The following ARID4B variants were observed in gnomAD, a reference collection of about 807,000 sequenced individuals.
ARID4B encodes the protein AT-rich interactive domain-containing protein 4B.
In ARID4B, 26 loss-of-function variants were observed where a neutral mutation model predicts 147.5. The ratio of observed to expected loss-of-function variants is 0.18; its 90% CI spans 0.13 to 0.24. The LOEUF is 0.24. Among genes scored for constraint, ARID4B ranks in the 10% least tolerant of loss-of-function variants. The probability of loss-of-function intolerance (pLI) is 1.00; values close to 1 mark genes in which losing one functional copy is unlikely to be tolerated. For missense variants in ARID4B, 1,179 were observed against 1,511.5 expected (o/e 0.78, Z 3.65); for synonymous variants, 512 against 507.9 (o/e 1.01, Z -0.11).
intron 12 of ARID4B, 109 bp from the exon 13 acceptor site, chr1:235,223,369 G>GTATATATATATATATATACGTATA (rs201240296): frequency 6.2e-6 from 1 of 161,538 alleles, no homozygotes; most frequent in African/African-American, 3.8e-5. Flanking sequence ...ATATATACAC[G>GTATATATATATATATATACGTATA]TATATATATA....
chr1:235,209,765 T>C (rs1410929063), intron 17 of ARID4B, among the ~76,000 whole-genome samples: 2 of 152,010 alleles, frequency 1.3e-5, no homozygotes, highest in Non-Finnish European at 2.9e-5. Context: ...GGTTTCGCCA[T>C]GTTGGCCAGG....
chr1:235,192,606 A>G (rs1180504073), intron 19 of ARID4B, among the ~76,000 whole-genome samples: 1 of 152,234 alleles, frequency 6.6e-6, no homozygotes, highest in Non-Finnish European at 1.5e-5. Context: ...ACTAGCTTCT[A>G]TTAACATTCA....
chr1:235,311,542 G>A (rs1023441484), intron 2 of ARID4B, among the ~76,000 whole-genome samples: 1 of 152,160 alleles, frequency 6.6e-6, no homozygotes, highest in Middle Eastern at 3.4e-3. Context: ...GGGAGGTCGA[G>A]GCAGGCAGAT....
intron 19 of ARID4B, among the ~76,000 whole-genome samples, chr1:235,189,399 CAAAAAAAAAAA>C (rs11299121): frequency 1.7e-5 from 1 of 58,922 alleles, no homozygotes; most frequent in East Asian, 5.4e-4. Flanking sequence ...GACTCAGTCT[CAAAAAAAAAAA>C]AAAAAAAAAA....
At chr1:235,279,626 T>C (rs1671540422) in intron 2 of ARID4B, among the ~76,000 whole-genome samples, 2 of 152,214 alleles carry the variant, frequency 1.3e-5, no homozygotes, top group South Asian at 4.1e-4. Context: ...CTGAGATGGC[T>C]TTCCTTAGAA....
intron 14 of ARID4B, among the ~76,000 whole-genome samples, chr1:235,221,094 C>T (rs190149099): frequency 2.3e-4 from 35 of 152,284 alleles, no homozygotes; most frequent in African/African-American, 7.9e-4. Context: ...GACAAGGTTT[C>T]GCCATGCTGG....
chr1:235,203,406 A>C (rs577138412), intron 17 of ARID4B, among the ~76,000 whole-genome samples: 1 of 152,228 alleles, frequency 6.6e-6, no homozygotes, highest in Non-Finnish European at 1.5e-5. Context: ...ATATACCTAA[A>C]AAGCACAGTC....
chr1:235,280,952 C>T (rs559293608), intron 2 of ARID4B, among the ~76,000 whole-genome samples: 7 of 146,354 alleles, frequency 4.8e-5, no homozygotes, highest in African/African-American at 1.3e-4. Flanking sequence ...TGTATAAAAA[C>T]GAAAAAAAAA....
intron 2 of ARID4B, chr1:235,296,464 G>A (rs1333852781): frequency 7.3e-6 from 1 of 136,356 alleles, no homozygotes; most frequent in Non-Finnish European, 1.6e-5. Flanking sequence ...AGTATGAATT[G>A]AAAATTTATT....
chr1:235,316,856 A>G (rs1674475601), intron 2 of ARID4B, among the ~76,000 whole-genome samples: 1 of 149,480 alleles, frequency 6.7e-6, no homozygotes, highest in Non-Finnish European at 1.5e-5. Context: ...AGATATACAT[A>G]TACATACGTA....
intron 6 of ARID4B, among the ~76,000 whole-genome samples, chr1:235,248,567 A>G (rs1366027062): frequency 1.3e-5 from 2 of 152,204 alleles, no homozygotes; most frequent in Non-Finnish European, 2.9e-5. Flanking sequence ...CTCTCTTTAA[A>G]GCAGAAAAAT....
intron 20 of ARID4B, among the ~76,000 whole-genome samples, chr1:235,179,260 G>A (rs1048383387): frequency 7.9e-5 from 12 of 151,902 alleles, no homozygotes; most frequent in Non-Finnish European, 1.2e-4. Context: ...CTGGCTGGGC[G>A]CGGTGGCTCA....
At chr1:235,198,684 AAAGTGTGTTGG>A (rs561634725) in intron 17 of ARID4B, among the ~76,000 whole-genome samples, 34 of 152,368 alleles carry the variant, frequency 2.2e-4, no homozygotes, top group African/African-American at 7.9e-4. Flanking sequence ...TTAGATGTCA[AAAGTGTGTTGG>A]AGCAGGCAGG....
chr1:235,191,140 T>C (rs1571933726), intron 19 of ARID4B, among the ~76,000 whole-genome samples: 1 of 152,050 alleles, frequency 6.6e-6, no homozygotes, highest in African/African-American at 2.4e-5. Flanking sequence ...TTGTGAAAAA[T>C]AGGGGTAAAT....
At chr1:235,295,517 T>TA (rs1039816071) in intron 2 of ARID4B, among the ~76,000 whole-genome samples, 76 of 82,174 alleles carry the variant, frequency 9.2e-4, no homozygotes, top group East Asian at 5.3e-3. Context: ...CATCTCAATT[T>TA]AAAAAAAAAA....
intron 2 of ARID4B, among the ~76,000 whole-genome samples, chr1:235,313,320 G>A (rs931061771): frequency 2.0e-5 from 3 of 150,026 alleles, no homozygotes; most frequent in Non-Finnish European, 4.5e-5. Flanking sequence ...ATGACCCACC[G>A]TGCATGCCTA....
At chr1:235,294,842 T>C (rs1374497653) in intron 2 of ARID4B, among the ~76,000 whole-genome samples, 2 of 151,534 alleles carry the variant, frequency 1.3e-5, no homozygotes, top group African/African-American at 4.8e-5. Flanking sequence ...GCTCAACATT[T>C]TGAAACCATG....
chr1:235,185,748 A>C (rs1430841660), intron 19 of ARID4B, among the ~76,000 whole-genome samples: 1 of 152,168 alleles, frequency 6.6e-6, no homozygotes, highest in African/African-American at 2.4e-5. Flanking sequence ...TGTTTCCTTC[A>C]GAGTTCTGAA....
At chr1:235,273,434 CAT>C (rs1671119248) in intron 2 of ARID4B, among the ~76,000 whole-genome samples, 1 of 152,166 alleles carries the variant, frequency 6.6e-6, no homozygotes, top group East Asian at 1.9e-4. Flanking sequence ...TTCATACAAA[CAT>C]AAAGTTACCA....
Sources: gnomAD v4.1 joint callset for allele counts (sites outside exome capture counted in the v4.1 genomes callset) on GRCh38, gnomAD v4.1.1 for gene constraint, MANE v1.5 for transcripts, NCBI Gene and HGNC (gene_info 2026-07-23, HGNC 2026-07-21) for gene names.